HS3ST4: variants seen among roughly 807,000 people sequenced by gnomAD.
HS3ST4 encodes heparan sulfate-glucosamine 3-sulfotransferase 4.
HS3ST4 carries 17 observed loss-of-function variants against 29.2 expected under a neutral mutation model. The ratio of observed to expected loss-of-function variants is 0.58; its 90% confidence interval spans 0.40 to 0.87. HS3ST4 has a LOEUF of 0.87. HS3ST4 is among the 40% of genes least tolerant of loss of function. HS3ST4 has a pLI of 0.00. For synonymous variants in HS3ST4, 314 were observed against 285.7 expected, an observed-to-expected ratio of 1.10 and a Z score of -1.00; for missense variants, 627 against 634.5, an observed-to-expected ratio of 0.99 and a Z score of 0.13.
At chr16:25,873,496 A>C (rs146652705) in intron 1 of HS3ST4, among the ~76,000 whole-genome samples, 1 of 138,412 alleles carries the variant, frequency 7.2e-6, no homozygotes, top group African/African-American at 2.7e-5. Flanking sequence ...CTATCTATCT[A>C]TCTATCTATC....
chr16:25,852,780 T>G (rs981845904), intron 1 of HS3ST4, among the ~76,000 whole-genome samples: 1 of 148,426 alleles, frequency 6.7e-6, no homozygotes, highest in African/African-American at 2.6e-5. Context: ...ATGCTTCATA[T>G]TTCATCATTC....
intron 1 of HS3ST4, among the ~76,000 whole-genome samples, chr16:25,786,809 A>G (rs1966858363): frequency 6.6e-6 from 1 of 152,230 alleles, no homozygotes. Context: ...ATTTAAAAAA[A>G]AACCCTATAA....
intron 1 of HS3ST4, among the ~76,000 whole-genome samples, chr16:25,847,012 A>AG (rs1279458957): frequency 9.4e-6 from 1 of 105,962 alleles, no homozygotes; most frequent in Non-Finnish European, 2.0e-5. Context: ...CATCAACACG[A>AG]GTTTTTTTTT....
intron 1 of HS3ST4, among the ~76,000 whole-genome samples, chr16:25,971,280 A>G (rs1968894452): frequency 6.6e-6 from 1 of 152,218 alleles, no homozygotes; most frequent in Non-Finnish European, 1.5e-5. Context: ...CACCTGCAAC[A>G]TAACTTGATA....
chr16:25,896,692 C>T (rs1012968613), intron 1 of HS3ST4, among the ~76,000 whole-genome samples: 9 of 152,122 alleles, frequency 5.9e-5, no homozygotes, highest in African/African-American at 2.2e-4. Context: ...CACGTGCACC[C>T]GTATGTTCAT....
intron 1 of HS3ST4, among the ~76,000 whole-genome samples, chr16:25,735,942 A>C (rs1443772388): frequency 6.6e-6 from 1 of 152,200 alleles, no homozygotes. Flanking sequence ...TAATTACCAG[A>C]AGACAGAAGA....
intron 1 of HS3ST4, among the ~76,000 whole-genome samples, chr16:25,949,069 T>C (rs558181614): frequency 6.6e-6 from 1 of 151,814 alleles, no homozygotes; most frequent in East Asian, 1.9e-4. Flanking sequence ...TTTTAAAGTA[T>C]TTTTAGTTTT....
intron 1 of HS3ST4, among the ~76,000 whole-genome samples, chr16:26,054,408 CT>C (rs1234153940): frequency 1.3e-5 from 2 of 152,140 alleles, no homozygotes; most frequent in African/African-American, 4.8e-5. Flanking sequence ...TTAACTTCCC[CT>C]CCCAATTGAC....
At chr16:25,777,737 C>T (rs909398358) in intron 1 of HS3ST4, among the ~76,000 whole-genome samples, 4 of 152,148 alleles carry the variant, frequency 2.6e-5, no homozygotes, top group Non-Finnish European at 5.9e-5. Context: ...CACTGCACTC[C>T]AGCCTGGGCG....
At chr16:25,822,680 T>A (rs947301306) in intron 1 of HS3ST4, among the ~76,000 whole-genome samples, 1 of 152,024 alleles carries the variant, frequency 6.6e-6, no homozygotes, top group East Asian at 1.9e-4. Context: ...ACTTGTTCCT[T>A]CATATTTGGA....
At chr16:26,087,844 T>C (rs1444029826) in intron 1 of HS3ST4, among the ~76,000 whole-genome samples, 3 of 152,160 alleles carry the variant, frequency 2.0e-5, no homozygotes, top group African/African-American at 7.2e-5. Flanking sequence ...AATTTTGGAT[T>C]AAGGATGCTC....
At chr16:26,021,818 C>T (rs1969416458) in intron 1 of HS3ST4, among the ~76,000 whole-genome samples, 1 of 152,058 alleles carries the variant, frequency 6.6e-6, no homozygotes, top group African/African-American at 2.4e-5. Context: ...CACGTGCTGC[C>T]ACAACCAGCT....
intron 1 of HS3ST4, among the ~76,000 whole-genome samples, chr16:25,812,162 C>A (rs1967048277): frequency 6.6e-6 from 1 of 152,146 alleles, no homozygotes; most frequent in Non-Finnish European, 1.5e-5. Context: ...CATTTCTAAC[C>A]AGCTCCTAGG....
intron 1 of HS3ST4, among the ~76,000 whole-genome samples, chr16:25,896,104 C>T (rs888898270): frequency 1.1e-4 from 16 of 152,136 alleles, no homozygotes; most frequent in African/African-American, 2.9e-4. Context: ...TAACGATTCT[C>T]CTGGGATTTA....
At chr16:25,949,249 C>T (rs566559233) in intron 1 of HS3ST4, among the ~76,000 whole-genome samples, 1 of 152,080 alleles carries the variant, frequency 6.6e-6, no homozygotes, top group African/African-American at 2.4e-5. Flanking sequence ...TTAAAATGTA[C>T]AATTCATTTA....
At chr16:25,843,369 C>A (rs1288873594) in intron 1 of HS3ST4, among the ~76,000 whole-genome samples, 2 of 152,138 alleles carry the variant, frequency 1.3e-5, no homozygotes, top group Non-Finnish European at 2.9e-5. Flanking sequence ...CCTTTACAAG[C>A]CAGCTGATTT....
At chr16:25,720,233 T>C (rs992835560) in intron 1 of HS3ST4, among the ~76,000 whole-genome samples, 2 of 152,128 alleles carry the variant, frequency 1.3e-5, no homozygotes, top group Non-Finnish European at 2.9e-5. Flanking sequence ...ATGGCTGTGA[T>C]TGGCATGTTT....
rs1354836053 is a variant in HS3ST4, at chr16:25,831,395, CTACA to C, written c.734+138245_734+138248del. ...TGGGCAACATAATGAGACCCCGTCT[CTACA>C]CACACACACACACACACACACACAC... is the stretch of plus-strand genomic sequence containing the variant. On this transcript the variant is annotated intron_variant, in intron 1 of 1. Transcript: ENST00000331351. 5.9e-3 allele frequency among the ~76,000 whole-genome samples: 602 copies of C among 101,636 alleles called. 7 individuals are homozygous for C. Among genetic ancestry groups the C allele is most frequent in the African/African-American group, 0.021 (571 of 27,220 alleles). 66.7% of individuals were successfully genotyped at this position (101,636 alleles called of 152,430 possible).
At chr16:26,114,575 C>T (rs1381749658) in intron 1 of HS3ST4, among the ~76,000 whole-genome samples, 3 of 152,118 alleles carry the variant, frequency 2.0e-5, no homozygotes, top group African/African-American at 7.2e-5. Context: ...TATGGTGTGA[C>T]GGGTCAATAG....
Sources: gnomAD v4.1 joint callset for allele counts (sites outside exome capture counted in the v4.1 genomes callset) on GRCh38, gnomAD v4.1.1 for gene constraint, MANE v1.5 for transcripts, NCBI Gene and HGNC (gene_info 2026-07-23, HGNC 2026-07-21) for gene names.